Variants in WWOX observed in about 807,000 individuals in gnomAD.
WWOX encodes WW domain containing oxidoreductase, also known as WW domain-containing oxidoreductase.
WWOX carries 69 observed loss-of-function variants against 46.2 expected under a neutral mutation model. The observed-to-expected ratio is 1.49, with a 90% confidence interval of 1.23 to 1.82. The LOEUF is 1.82. Ranked by LOEUF, WWOX falls within the 40% of genes most tolerant of loss-of-function variation. The probability of loss-of-function intolerance (pLI) is 0.00; values close to 1 mark genes in which losing one functional copy is unlikely to be tolerated. For missense variants in WWOX, 919 were observed against 542.6 expected, an observed-to-expected ratio of 1.69 and a Z score of -6.89; for synonymous variants, 359 against 202.6, an observed-to-expected ratio of 1.77 and a Z score of -6.56.
At chr16:78,663,029 C>T (rs138845497) in intron 8 of WWOX, among the ~76,000 whole-genome samples, 6 of 152,268 alleles carry the variant, frequency 3.9e-5, no homozygotes, top group Non-Finnish European at 7.4e-5. Flanking sequence ...GCAATAGTCT[C>T]CCTTTAAAGT....
chr16:78,506,128 C>T lies in WWOX; in HGVS notation c.1056+73376C>T, dbSNP rs183357001. ...GCCTGGAGAAGGGGAGGACAGGCTT[C>T]GAGTTTTTTGGGTAGTGACTTCTGT... is the stretch of plus-strand genomic sequence containing the variant. On this transcript the variant is annotated intron_variant, in intron 8 of 8. Transcript: ENST00000566780. Among the ~76,000 whole-genome samples the T allele has an allele frequency of 2.7e-3, 417 of 152,302 alleles. 2 individuals carry two copies. The highest frequency in any genetic ancestry group is 9.4e-3 in the African/African-American group (390 of 41,570).
At chr16:78,668,439 C>T (rs1012778145) in intron 8 of WWOX, among the ~76,000 whole-genome samples, 2 of 152,160 alleles carry the variant, frequency 1.3e-5, no homozygotes, top group African/African-American at 4.8e-5. Context: ...TTCCAAGATT[C>T]CATTCTTTCC....
intron 4 of WWOX, among the ~76,000 whole-genome samples, chr16:78,144,500 CATATAT>C (rs1206539263): frequency 0.033 from 732 of 21,870 alleles, 106 homozygotes; most frequent in African/African-American, 0.12. Context: ...CACACACACA[CATATAT>C]ATATATATAT....
At chr16:79,120,914 G>A (rs772780114) in intron 8 of WWOX, among the ~76,000 whole-genome samples, 5 of 152,240 alleles carry the variant, frequency 3.3e-5, no homozygotes, top group South Asian at 4.2e-4. Context: ...GATTACAGGC[G>A]TGCGCCACCA....
At chr16:79,018,687 C>A (rs925612122) in intron 8 of WWOX, among the ~76,000 whole-genome samples, 12 of 152,188 alleles carry the variant, frequency 7.9e-5, no homozygotes, top group African/African-American at 2.7e-4. Flanking sequence ...GGGCCGCCTC[C>A]TCCACATGAA....
At chr16:78,674,959 C>T (rs1038740751) in intron 8 of WWOX, among the ~76,000 whole-genome samples, 3 of 151,904 alleles carry the variant, frequency 2.0e-5, no homozygotes, top group African/African-American at 7.3e-5. Flanking sequence ...CCTTATTATC[C>T]CCTCAGTGAA....
intron 8 of WWOX, among the ~76,000 whole-genome samples, chr16:79,013,946 G>A (rs149809683): frequency 1.6e-4 from 24 of 152,300 alleles, no homozygotes; most frequent in Middle Eastern, 3.4e-3. Context: ...TCCCCAGAGA[G>A]GAAGAGAGGA....
At chr16:78,164,127 A>G (rs114757033) in intron 4 of WWOX, 56 bp from the exon 5 acceptor site, 1 of 1,515,680 alleles carries the variant, frequency 6.6e-7, no homozygotes, top group South Asian at 1.2e-5. Context: ...GCCATTCAAC[A>G]TGACTCACTG....
intron 4 of WWOX, among the ~76,000 whole-genome samples, chr16:78,149,497 G>T (rs570325210): frequency 6.6e-6 from 1 of 152,334 alleles, no homozygotes; most frequent in South Asian, 2.1e-4. Flanking sequence ...CACTGTCTGG[G>T]AATGGATTCC....
At chr16:79,187,917 T>TGA (rs2051051430) in intron 8 of WWOX, among the ~76,000 whole-genome samples, 1 of 152,212 alleles carries the variant, frequency 6.6e-6, no homozygotes, top group African/African-American at 2.4e-5. Flanking sequence ...GTCCTTCCTG[T>TGA]GCACCAGGCA....
At chr16:78,790,580 C>T (rs958483312) in intron 8 of WWOX, among the ~76,000 whole-genome samples, 8 of 152,174 alleles carry the variant, frequency 5.3e-5, no homozygotes, top group Non-Finnish European at 1.0e-4. Flanking sequence ...AGGAGATAAG[C>T]AGAAACTGAA....
intron 5 of WWOX, among the ~76,000 whole-genome samples, chr16:78,217,845 A>C (rs1183891806): frequency 6.6e-6 from 1 of 152,180 alleles, no homozygotes; most frequent in Non-Finnish European, 1.5e-5. Context: ...TGAAGTCAGC[A>C]TATAAGCTGG....
intron 5 of WWOX, among the ~76,000 whole-genome samples, chr16:78,277,258 A>G (rs929598594): frequency 6.6e-6 from 1 of 152,220 alleles, no homozygotes; most frequent in Non-Finnish European, 1.5e-5. Context: ...CTTGTTGAAT[A>G]GCCGTGTTTC....
intron 8 of WWOX, among the ~76,000 whole-genome samples, chr16:79,050,181 C>G (rs1199236511): frequency 6.6e-6 from 1 of 152,188 alleles, no homozygotes. Flanking sequence ...TTCAGCAGAA[C>G]TAGGCTGGGC....
chr16:78,695,237 A>G (rs994099032), intron 8 of WWOX, among the ~76,000 whole-genome samples: 3 of 152,036 alleles, frequency 2.0e-5, no homozygotes, highest in Admixed American at 6.6e-5. Flanking sequence ...TATTATTATT[A>G]TTATTATTGT....
chr16:78,765,817 C>G (rs1205019381), intron 8 of WWOX, among the ~76,000 whole-genome samples: 3 of 152,222 alleles, frequency 2.0e-5, no homozygotes, highest in African/African-American at 7.2e-5. Flanking sequence ...CGCACTATTT[C>G]TGTCCTGCCC....
intron 8 of WWOX, among the ~76,000 whole-genome samples, chr16:78,859,435 C>T (rs560856818): frequency 6.6e-6 from 1 of 152,064 alleles, no homozygotes; most frequent in South Asian, 2.1e-4. Context: ...ACTGGGTCTA[C>T]TATTGCAAAG....
chr16:78,226,102 C>G (rs2037045460), intron 5 of WWOX, among the ~76,000 whole-genome samples: 1 of 152,138 alleles, frequency 6.6e-6, no homozygotes, highest in African/African-American at 2.4e-5. Flanking sequence ...GTTTATTCTT[C>G]AGCAACATCT....
chr16:79,015,107 G>C (rs1179664362), intron 8 of WWOX, among the ~76,000 whole-genome samples: 4 of 152,154 alleles, frequency 2.6e-5, no homozygotes, highest in South Asian at 4.1e-4. Context: ...GGGGCCACAG[G>C]ACACTACTGT....
Sources: gnomAD v4.1 joint callset for allele counts (sites outside exome capture counted in the v4.1 genomes callset) on GRCh38, gnomAD v4.1.1 for gene constraint, MANE v1.5 for transcripts, NCBI Gene and HGNC (gene_info 2026-07-23, HGNC 2026-07-21) for gene names.